Variants in SBF2 observed in about 807,000 individuals in gnomAD.
The protein encoded by SBF2 is myotubularin-related protein 13.
A neutral mutation model predicts 225.2 loss-of-function variants in SBF2; 112 were observed. That is an observed-to-expected ratio of 0.50 (90% CI 0.43 to 0.58). The LOEUF is 0.58. SBF2 is among the 20% of genes least tolerant of loss of function. SBF2 has a pLI of 0.00. For missense variants in SBF2, 1,996 were observed against 2,206.2 expected (o/e 0.90, Z 1.91); for synonymous variants, 763 against 773.3 (o/e 0.99, Z 0.22).
At chr11:9,820,853 C>A (rs924808586) in intron 28 of SBF2, among the ~76,000 whole-genome samples, 2 of 152,222 alleles carry the variant, frequency 1.3e-5, no homozygotes, top group African/African-American at 2.4e-5. Context: ...TGAGACATAA[C>A]AAGACGCTGC....
At chr11:9,935,170 G>A (rs375471545) in intron 16 of SBF2, among the ~76,000 whole-genome samples, 11 of 151,974 alleles carry the variant, frequency 7.2e-5, no homozygotes, top group African/African-American at 1.7e-4. Context: ...ACAGACAAAC[G>A]GAGAGCCAAA....
intron 37 of SBF2, 62 bp downstream of exon 37, chr11:9,785,063 T>C: frequency 1.4e-6 from 2 of 1,409,596 alleles, no homozygotes; most frequent in Non-Finnish European, 2.0e-6. Flanking sequence ...GAGGGACCTG[T>C]GGTTTAGCCT....
intron 2 of SBF2, among the ~76,000 whole-genome samples, chr11:10,069,992 C>CT (rs1950798526): frequency 6.7e-6 from 1 of 150,192 alleles, no homozygotes; most frequent in East Asian, 1.9e-4. Context: ...CCTTTGCCCA[C>CT]TTGTTGATGG....
intron 1 of SBF2, among the ~76,000 whole-genome samples, chr11:10,196,860 A>ATTT (rs1288978130): frequency 1.0e-3 from 14 of 13,642 alleles, no homozygotes; most frequent in Middle Eastern, 0.038. Flanking sequence ...ATATATATAT[A>ATTT]TATATATTTT....
chr11:10,278,876 T>C (rs888015321), intron 1 of SBF2, among the ~76,000 whole-genome samples: 6 of 151,476 alleles, frequency 4.0e-5, no homozygotes, highest in African/African-American at 1.5e-4. Flanking sequence ...ATAAAAATGA[T>C]CTTTATCATA....
At position 9,858,218 on chromosome 11, in the gene SBF2, T is replaced by G. The variant is rs1010895257; in HGVS notation, c.2100+8A>C. On this transcript the variant is annotated splice_region_variant and intron_variant, in intron 18 of 39. Coordinates refer to ENST00000256190, the MANE Select transcript of SBF2 (RefSeq NM_030962.4). ...CCACACAATTAGAGTTCTTTTCTTC[T>G]CTCTTACCTTTTGCTTCAGATGCGG... 4 of 1,613,930 alleles carry G rather than the reference T, an allele frequency of 2.5e-6. No individual in the cohort carries two copies. In the African/African-American group the frequency reaches 5.3e-5, roughly 22 times the overall value.
At chr11:9,958,317 G>T (rs998275732) in intron 16 of SBF2, 5 of 151,848 alleles carry the variant, frequency 3.3e-5, no homozygotes, top group African/African-American at 1.2e-4. Context: ...AGATTAACTG[G>T]GCACAAGGAA....
intron 32 of SBF2, among the ~76,000 whole-genome samples, chr11:9,798,677 T>A (rs1378642054): frequency 1.3e-5 from 2 of 152,218 alleles, no homozygotes; most frequent in Non-Finnish European, 2.9e-5. Flanking sequence ...CCAGGCGTGG[T>A]GGCTCACGCC....
intron 22 of SBF2, among the ~76,000 whole-genome samples, chr11:9,848,762 CT>C (rs1431837794): frequency 6.6e-6 from 1 of 152,354 alleles, no homozygotes; most frequent in East Asian, 1.9e-4. Context: ...GGCTAAGACA[CT>C]TTTCTCCTTT....
chr11:10,260,605 A>G (rs1231786382), intron 1 of SBF2, among the ~76,000 whole-genome samples: 2 of 150,970 alleles, frequency 1.3e-5, no homozygotes, highest in Non-Finnish European at 2.9e-5. Flanking sequence ...AGTCCCAGCT[A>G]CTCAGGAGAA....
chr11:10,196,837 A>ATATATATATATAT (rs1957372454), intron 1 of SBF2, among the ~76,000 whole-genome samples: 2 of 83,522 alleles, frequency 2.4e-5, no homozygotes, highest in Non-Finnish European at 4.8e-5. Flanking sequence ...TTCTTGCATA[A>ATATATATATATAT]ATATATATAT....
At chr11:10,171,218 G>C (rs1263524234) in intron 2 of SBF2, among the ~76,000 whole-genome samples, 3 of 152,092 alleles carry the variant, frequency 2.0e-5, no homozygotes, top group Non-Finnish European at 4.4e-5. Context: ...TCACCTTCTA[G>C]ATATTAGAGG....
Position 9,968,440 on chromosome 11 carries a change from C to T in SBF2, c.1501G>A (p.Val501Ile). ...ACATTTTCCTGTATTAATTCCTGAACCCGGGCTTCATTAATCTCTGGGAAA... is the reference window on the plus strand; with the variant it reads ...ACATTTTCCTGTATTAATTCCTGAATCCGGGCTTCATTAATCTCTGGGAAA... ...LPFPEINEAR[V>I]QELIQENVAK... Residue 501 changes from valine (V) to isoleucine (I), a missense_variant, in exon 14 of 40, where the codon GTT becomes ATT. Val to Ile is a conservative substitution (Grantham distance 29). Transcript: ENST00000256190. 1 of 1,613,960 alleles carries T rather than the reference C, an allele frequency of 6.2e-7. No homozygotes were observed. The highest frequency in any genetic ancestry group is 2.2e-5 in the East Asian group (1 of 44,876).
intron 16 of SBF2, among the ~76,000 whole-genome samples, chr11:9,898,227 C>T (rs544365706): frequency 1.3e-5 from 2 of 152,270 alleles, no homozygotes; most frequent in East Asian, 3.9e-4. Context: ...CTAGAAGTGG[C>T]CATCTAGTCT....
rs143243933 is a variant in SBF2, at chr11:9,948,084, C to G, written c.1860+13873G>C. 2.0e-4 allele frequency among the ~76,000 whole-genome samples: 30 copies of G among 151,978 alleles called. No homozygotes were observed. In the East Asian group the frequency reaches 5.4e-3, roughly 27 times the overall value. On this transcript the variant is annotated intron_variant, in intron 16 of 39. Coordinates refer to ENST00000256190, the MANE Select transcript of SBF2 (RefSeq NM_030962.4). Reference sequence around the variant, plus strand: ...GTAAACAAAACATGGTATATACATACAATGGAATATTATTTAGCCTTAAAA... The same window carrying G: ...GTAAACAAAACATGGTATATACATAGAATGGAATATTATTTAGCCTTAAAA...
Position 9,847,078 on chromosome 11 carries a change from C to A in SBF2, c.2812G>T (p.Glu938Ter). Residue 938 changes from glutamate to a stop codon, truncating the protein, a stop_gained, in exon 23 of 40, where the codon GAG becomes TAG. Coordinates refer to ENST00000256190, the MANE Select transcript of SBF2 (RefSeq NM_030962.4). LOFTEE classifies it high-confidence loss of function. Reference protein sequence around the residue: ...RGTPHDQLVGEQTVVRSFPIA... With the variant: ...RGTPHDQLVG ...GGAAAGCTCCGCACAACTGTCTGCTCACCCACTGTAAATAGACAGGACACA... is the reference window on the plus strand; with the variant it reads ...GGAAAGCTCCGCACAACTGTCTGCTAACCCACTGTAAATAGACAGGACACA... 6.2e-7 allele frequency: 1 copy of A among 1,613,740 alleles called. No individual in the cohort carries two copies. The highest frequency in any genetic ancestry group is 8.5e-7 in the Non-Finnish European group (1 of 1,179,688).
chr11:9,877,254 T>C (rs755894345), intron 17 of SBF2, among the ~76,000 whole-genome samples: 29 of 152,152 alleles, frequency 1.9e-4, no homozygotes, highest in Non-Finnish European at 3.2e-4. Flanking sequence ...TAAATAATAC[T>C]CTACCGTTTT....
At chr11:10,045,948 C>G (rs751203918) in intron 2 of SBF2, among the ~76,000 whole-genome samples, 1 of 150,908 alleles carries the variant, frequency 6.6e-6, no homozygotes, top group Admixed American at 6.6e-5. Flanking sequence ...CAACCAACCA[C>G]GGATCAAAAA....
chr11:9,784,683 C>T (rs112340894), intron 37 of SBF2, among the ~76,000 whole-genome samples: 9 of 152,310 alleles, frequency 5.9e-5, no homozygotes, highest in African/African-American at 2.2e-4. Context: ...CATGTTGGGA[C>T]TGACATAACA....
Sources: gnomAD v4.1 joint callset for allele counts (sites outside exome capture counted in the v4.1 genomes callset) on GRCh38, gnomAD v4.1.1 for gene constraint, MANE v1.5 for transcripts, NCBI Gene and HGNC (gene_info 2026-07-23, HGNC 2026-07-21) for gene names.